Variants in TPRA1 observed in about 807,000 individuals in gnomAD.
TPRA1 encodes transmembrane protein adipocyte associated 1, also known as transmembrane protein adipocyte-associated 1.
Under a neutral mutation model 40.1 loss-of-function variants are expected in TPRA1, and 28 were observed. That is an observed-to-expected ratio of 0.70 (90% CI 0.52 to 0.96). The LOEUF (loss-of-function observed/expected upper bound fraction) is 0.96. TPRA1 is among the 40% of genes least tolerant of loss of function. The probability of loss-of-function intolerance (pLI) is 0.00; values close to 1 mark genes in which losing one functional copy is unlikely to be tolerated. For missense variants in TPRA1, 441 were observed against 482.6 expected (o/e 0.91, Z 0.81); for synonymous variants, 219 against 209.7 (o/e 1.04, Z -0.38).
chr3:127,572,431 G>A lies in TPRA1; in HGVS notation c.*1090C>T, dbSNP rs191545921. 2.9e-3 allele frequency among the ~76,000 whole-genome samples: 448 copies of A among 152,296 alleles called. 2 individuals carry two copies. The highest frequency in any genetic ancestry group is 0.014 in the Middle Eastern group (4 of 294). ...CCAAAAAGCTCAAAGCCGAACTCAG[G>A]TACAAGGGCAGTGGCAGGGACAAGT... On this transcript the variant is annotated 3_prime_UTR_variant, in exon 11 of 11. Coordinates refer to ENST00000355552, the MANE Select transcript of TPRA1 (RefSeq NM_001136053.4).
chr3:127,577,867 C>T (rs1016086186), intron 3 of TPRA1, among the ~76,000 whole-genome samples: 1 of 152,188 alleles, frequency 6.6e-6, no homozygotes. Context: ...GGCATAGGCC[C>T]CAAGGGAGCC....
chr3:127,578,943 C>T (rs2073734928), intron 3 of TPRA1, among the ~76,000 whole-genome samples: 2 of 151,838 alleles, frequency 1.3e-5, no homozygotes, highest in South Asian at 2.1e-4. Flanking sequence ...AGCCCACACC[C>T]GAAGCCCACA....
intron 1 of TPRA1, among the ~76,000 whole-genome samples, chr3:127,583,564 G>A (rs946758808): frequency 2.6e-5 from 4 of 152,162 alleles, no homozygotes; most frequent in African/African-American, 9.7e-5. Flanking sequence ...TCAAGTGATG[G>A]GGAATATTAA....
chr3:127,575,422 C>A lies in TPRA1; in HGVS notation c.754G>T (p.Asp252Tyr). The change falls in exon 9 of 11, where the codon GAC becomes TAC. Residue 252 changes from aspartate (D) to tyrosine (Y), a missense_variant. Asp to Tyr is a radical substitution (Grantham distance 160, BLOSUM62 -3). Transcript: ENST00000355552. ...QGLGSVLLCF[D>Y]IIEGLCCVDA... ...ACGCACCAGAGCCCCTCGATGATGT[C>A]GAAGCACAGCAGCACACTCCCCAGC... 1 of 1,596,148 alleles carries A rather than the reference C, an allele frequency of 6.3e-7. No homozygotes were observed. Among genetic ancestry groups the A allele is most frequent in the African/African-American group, 1.3e-5 (1 of 74,494 alleles).
chr3:127,575,995 A>G lies in TPRA1; in HGVS notation c.554T>C (p.Ile185Thr). The G allele has an allele frequency of 6.2e-7, 1 of 1,614,022 alleles. No individual in the cohort carries two copies. The highest frequency in any genetic ancestry group is 8.5e-7 in the Non-Finnish European group (1 of 1,180,002). Residue 185 changes from isoleucine (I) to threonine (T), a missense_variant, in exon 7 of 11, where the codon ATC becomes ACC. Physicochemically the swap from Ile to Thr is moderately conservative, Grantham distance 89. Transcript: ENST00000355552. ...DAHLSAEDFN[I>T]YGHGGRQFWL... Reference sequence around the variant, plus strand: ...GAACTGGCGGCCCCCATGGCCATAGATATTAAAGTCCTCAGCTGAGAGATG... The same window carrying G: ...GAACTGGCGGCCCCCATGGCCATAGGTATTAAAGTCCTCAGCTGAGAGATG...
At chr3:127,579,555 T>A (rs773682910) in intron 3 of TPRA1, among the ~76,000 whole-genome samples, 185 bp downstream of exon 3, 6 of 152,114 alleles carry the variant, frequency 3.9e-5, no homozygotes, top group Non-Finnish European at 5.9e-5. Flanking sequence ...TTTGACACCA[T>A]ATGAGGGGAA....
In TPRA1 at chr3:127,575,276, G is replaced by A. The variant is rs2073560452; in HGVS notation, c.774-11C>T. The A allele has an allele frequency of 5.0e-6, 8 of 1,612,916 alleles. No homozygotes were observed. Among genetic ancestry groups the A allele is most frequent in the Middle Eastern group, 1.6e-4 (1 of 6,082 alleles). On this transcript the variant is annotated splice_polypyrimidine_tract_variant and intron_variant, in intron 9 of 10. Transcript: ENST00000355552. ...GTGGCATCTACACAGCTGCGGAGAAGGCGGGTCAGCGCGGGGCCTCCTAGC... is the reference window on the plus strand; with the variant it reads ...GTGGCATCTACACAGCTGCGGAGAAAGCGGGTCAGCGCGGGGCCTCCTAGC...
At chr3:127,583,023 G>A (rs1434855093) in intron 1 of TPRA1, among the ~76,000 whole-genome samples, 4 of 151,956 alleles carry the variant, frequency 2.6e-5, no homozygotes, top group Admixed American at 6.6e-5. Context: ...GCACATGCCT[G>A]TAATCCCAGC....
chr3:127,592,695 G>A (rs536265172), upstream of TPRA1, among the ~76,000 whole-genome samples: 1 of 152,338 alleles, frequency 6.6e-6, no homozygotes, highest in Non-Finnish European at 1.5e-5. Flanking sequence ...GCAACATGCT[G>A]TTTTAATGAG....
At chr3:127,580,599 G>A (rs2073800630) in intron 1 of TPRA1, among the ~76,000 whole-genome samples, 1 of 152,244 alleles carries the variant, frequency 6.6e-6, no homozygotes, top group African/African-American at 2.4e-5. Context: ...CTGTGGTGAT[G>A]CCGAGTGCCT....
chr3:127,586,813 G>A (rs2074015642), intron 1 of TPRA1, among the ~76,000 whole-genome samples: 1 of 152,230 alleles, frequency 6.6e-6, no homozygotes, highest in South Asian at 2.1e-4. Context: ...AGCAAGCTGA[G>A]AGGCCCCTTG....
intron 1 of TPRA1, among the ~76,000 whole-genome samples, chr3:127,582,861 G>A (rs1349901270): frequency 1.3e-5 from 2 of 148,176 alleles, no homozygotes; most frequent in East Asian, 4.0e-4. Flanking sequence ...TACAAAATTA[G>A]GGCCAGGCAC....
At chr3:127,594,933 C>G (rs534640944), upstream of TPRA1, 6 of 152,538 alleles carry the variant, frequency 3.9e-5, no homozygotes, top group South Asian at 6.2e-4. Context: ...TGCCTACTGA[C>G]CTGGGAAGAG....
At chr3:127,595,435 A>G (rs2107679507), upstream of TPRA1, 1 of 152,270 alleles carries the variant, frequency 6.6e-6, no homozygotes, top group African/African-American at 2.4e-5. Context: ...CACCCTTCTC[A>G]CTTCCCTGCA....
rs779090581 is a variant in TPRA1 at position 127,575,710 on chromosome 3, CA to C, written c.670+38del. ...TACAGTGGCCCGGTAGACTCCCTCC[CA>C]TCCCCGCCTGTCCCAGAGCCGCCGG... On this transcript the variant is annotated intron_variant, in intron 8 of 10. Transcript: ENST00000355552. 11 of 1,608,106 alleles carry C rather than the reference CA, an allele frequency of 6.8e-6. No individual in the cohort carries two copies. In the Admixed American group the frequency reaches 1.3e-4, roughly 19 times the overall value.
intron 1 of TPRA1, among the ~76,000 whole-genome samples, chr3:127,587,510 T>C (rs986743751): frequency 3.9e-5 from 6 of 152,132 alleles, no homozygotes; most frequent in African/African-American, 1.4e-4. Flanking sequence ...GGGGCTGCAC[T>C]GCTGGTTCTG....
At chr3:127,573,930 G>A (rs2073473654) in intron 10 of TPRA1, 142 bp from the exon 11 acceptor site, 12 of 1,139,420 alleles carry the variant, frequency 1.1e-5, no homozygotes, top group Non-Finnish European at 1.4e-5. Context: ...CCTGTGAGCT[G>A]GACCCCAGAG....
rs2074141050 is a variant in TPRA1, at chr3:127,590,513, G to A, written c.-121C>T. ...ATCCAGCACAGGCCGCGGGACTCCG[G>A]CCTCCAGCGCCAGACCAGGCGGCCT... On this transcript the variant is annotated 5_prime_UTR_variant, in exon 1 of 11. Transcript: ENST00000355552. The A allele has an allele frequency of 1.3e-5, 2 of 152,256 alleles. No homozygotes were observed. Among genetic ancestry groups the A allele is most frequent in the South Asian group, 4.1e-4 (2 of 4,836 alleles). 9.4% of individuals were successfully genotyped at this position (152,256 alleles called of 1,614,324 possible).
At chr3:127,588,914 A>G (rs1261942699) in intron 1 of TPRA1, among the ~76,000 whole-genome samples, 1 of 152,142 alleles carries the variant, frequency 6.6e-6, no homozygotes, top group African/African-American at 2.4e-5. Context: ...GTTCTCTTAG[A>G]CTGATGCTCC....
Sources: allele counts gnomAD v4.1 joint callset (sites outside exome capture counted in the v4.1 genomes callset), GRCh38; gene constraint gnomAD v4.1.1; transcripts MANE v1.5; gene names NCBI Gene and HGNC (gene_info 2026-07-23, HGNC 2026-07-21).